RPS9: variants seen among roughly 807,000 people sequenced by gnomAD.
RPS9 encodes ribosomal protein S9, also known as small ribosomal subunit protein uS4.
Under a neutral mutation model 16.9 loss-of-function variants are expected in RPS9, and 1 was observed. The observed-to-expected ratio is 0.06, with a 90% CI of 0.02 to 0.28. RPS9 has a LOEUF of 0.28. Ranked by LOEUF, RPS9 falls within the 10% of genes least tolerant of loss-of-function variation. The pLI is 1.00. For missense variants in RPS9, 137 were observed against 273.2 expected (o/e 0.50, Z 3.51); for synonymous variants, 106 against 110.9 (o/e 0.96, Z 0.28).
chr19:54,202,875 TTAAA>T (rs1211461950), intron 3 of RPS9: 17 of 985,330 alleles, frequency 1.7e-5, no homozygotes, highest in Non-Finnish European at 2.0e-5. Context: ...AGCTTTTTCT[TTAAA>T]TAGGCACAGG....
At chr19:54,204,622 G>A (rs1279994261) in intron 3 of RPS9, among the ~76,000 whole-genome samples, 1 of 152,062 alleles carries the variant, frequency 6.6e-6, no homozygotes. Flanking sequence ...CTGTGTTGCC[G>A]AGGCTAGTTT....
intron 4 of RPS9, chr19:54,207,034 T>C: frequency 2.3e-6 from 1 of 439,052 alleles, no homozygotes; most frequent in Non-Finnish European, 4.1e-6. Flanking sequence ...TGTGTTATTG[T>C]GGGCATTGCT....
intron 3 of RPS9, among the ~76,000 whole-genome samples, chr19:54,203,617 A>G (rs939784374): frequency 2.6e-5 from 4 of 152,152 alleles, no homozygotes; most frequent in Admixed American, 1.3e-4. Context: ...TACGAAAAAT[A>G]CAAAAATTAG....
At chr19:54,201,775 A>G (rs750441760) in intron 3 of RPS9, 166 bp downstream of exon 3, 1 of 1,394,064 alleles carries the variant, frequency 7.2e-7, no homozygotes, top group Non-Finnish European at 9.5e-7. Flanking sequence ...TATCTGGATC[A>G]GTCTTTGCCC....
chr19:54,203,379 C>T (rs1383010728), intron 3 of RPS9: 6 of 890,608 alleles, frequency 6.7e-6, no homozygotes, highest in Non-Finnish European at 8.1e-6. Flanking sequence ...GATTCAGATC[C>T]TGCCTTTCCC....
chr19:54,206,685 C>T (rs2077253471), intron 4 of RPS9: 2 of 1,529,576 alleles, frequency 1.3e-6, no homozygotes, highest in African/African-American at 1.4e-5. Context: ...AGCCGTACAC[C>T]TTGTGAAGGC....
chr19:54,202,315 A>G lies in RPS9; in HGVS notation c.220+706A>G, dbSNP rs529383366. On this transcript the variant is annotated intron_variant, in intron 3 of 4. Transcript: ENST00000302907. Reference sequence around the variant, plus strand: ...ATTCTCCTGTCTTAGCCTCCTAAGTAGCTGGAATCACAGGCATGGGCCACC... The same window carrying G: ...ATTCTCCTGTCTTAGCCTCCTAAGTGGCTGGAATCACAGGCATGGGCCACC... 6.1e-6 allele frequency: 3 copies of G among 490,846 alleles called. No homozygotes were observed. The South Asian group carries it at 2.6e-4, about 43-fold the overall frequency. The allele number at this position is 490,846 out of a possible 1,614,324, so 30.4% of individuals were successfully genotyped here.
At position 54,206,255 on chromosome 19, in the gene RPS9, GTTTCC is replaced by G; in HGVS notation, c.221-19_221-15del. 6.2e-7 allele frequency: 1 copy of G among 1,608,150 alleles called. No individual in the cohort carries two copies. The highest frequency in any genetic ancestry group is 8.5e-7 in the Non-Finnish European group (1 of 1,175,640). ...CCTGAGGTCAGAAGGCGGAATCAGT[GTTTCC>G]TCCCACTCTTCCCAGGCAACGCCCT... On this transcript the variant is annotated splice_polypyrimidine_tract_variant and intron_variant, in intron 3 of 4. Transcript: ENST00000302907.
At chr19:54,201,730 T>C (rs1415176314) in intron 3 of RPS9, 121 bp downstream of exon 3, 32 of 1,491,110 alleles carry the variant, frequency 2.1e-5, no homozygotes, top group Non-Finnish European at 2.7e-5. Flanking sequence ...ACCAGCCTTC[T>C]AACTTTTAGT....
rs1248165436 is a variant in RPS9, at chr19:54,206,780, G to C, written c.407+318G>C. On this transcript the variant is annotated intron_variant, in intron 4 of 4. Coordinates refer to ENST00000302907, the MANE Select transcript of RPS9 (RefSeq NM_001013.4). ...AGAGAACCAGCCTCACCTCGCTTGGGTGGTGGGTTCAGCTGTCTCCTGGCC... is the reference window on the plus strand; with the variant it reads ...AGAGAACCAGCCTCACCTCGCTTGGCTGGTGGGTTCAGCTGTCTCCTGGCC... 4.3e-6 allele frequency: 6 copies of C among 1,408,094 alleles called. No homozygotes were observed. In the African/African-American group the frequency reaches 8.6e-5, roughly 20 times the overall value. 87.2% of individuals were successfully genotyped at this position (1,408,094 alleles called of 1,614,324 possible). A position where few individuals can be genotyped will look rare whatever the true frequency, so the allele number is the denominator to read the frequency against.
chr19:54,204,236 T>C (rs532888538), intron 3 of RPS9, among the ~76,000 whole-genome samples: 4 of 151,898 alleles, frequency 2.6e-5, no homozygotes, highest in African/African-American at 9.7e-5. Context: ...AATACAAAAT[T>C]AGCGGGGCGT....
At chr19:54,203,202 T>C (rs868011250) in intron 3 of RPS9, 33 of 935,862 alleles carry the variant, frequency 3.5e-5, no homozygotes, top group Middle Eastern at 5.5e-4. Flanking sequence ...GAGAAAGCGG[T>C]GCAGGTGTCT....
At chr19:54,202,771 A>G in intron 3 of RPS9, 8 of 985,442 alleles carry the variant, frequency 8.1e-6, no homozygotes, top group Non-Finnish European at 9.6e-6. Context: ...ACTGTTAGGC[A>G]TGAGAGTGGT....
intron 3 of RPS9, among the ~76,000 whole-genome samples, chr19:54,204,164 GAGGT>G (rs2077161348): frequency 6.6e-6 from 1 of 152,082 alleles, no homozygotes; most frequent in Non-Finnish European, 1.5e-5. Context: ...CGGATCACCC[GAGGT>G]CGGGAGTTTG....
chr19:54,202,674 G>A (rs766485932), intron 3 of RPS9: 10 of 985,420 alleles, frequency 1.0e-5, no homozygotes, highest in African/African-American at 1.7e-5. Flanking sequence ...ACCAAGATTG[G>A]CATTTGTATA....
At position 54,207,581 on chromosome 19, in the gene RPS9, C is replaced by T. The variant is rs1388487046; in HGVS notation, c.*6C>T. 8 of 1,599,384 alleles carry T rather than the reference C, an allele frequency of 5.0e-6. No individual in the cohort carries two copies. Among genetic ancestry groups the T allele is most frequent in the African/African-American group, 4.0e-5 (3 of 74,644 alleles). On this transcript the variant is annotated 3_prime_UTR_variant, in exon 5 of 5. Transcript: ENST00000302907. ...ACGACGAGGAGGAGGATTAAGTCCA[C>T]CTGTCCCTCCTGGGCTGCTGGATTG...
intron 3 of RPS9, chr19:54,202,922 T>C (rs2077110135): frequency 1.0e-6 from 1 of 977,232 alleles, no homozygotes; most frequent in Admixed American, 6.2e-5. Context: ...GGTTTCCAAC[T>C]CCTAACCTCA....
chr19:54,200,948 C>A, intron 1 of RPS9, 60 bp downstream of exon 1: 1 of 1,384,826 alleles, frequency 7.2e-7, no homozygotes, highest in Admixed American at 3.2e-5. Flanking sequence ...CCCGGGCCTT[C>A]CGAGTTTCCA....
At chr19:54,202,694 G>A (rs370382060) in intron 3 of RPS9, 142 of 985,308 alleles carry the variant, frequency 1.4e-4, no homozygotes, top group Non-Finnish European at 1.4e-4. Flanking sequence ...ATCCTGAGAC[G>A]CTGCTTTTGC....
Sources: gnomAD v4.1 joint callset for allele counts (sites outside exome capture counted in the v4.1 genomes callset) on GRCh38, gnomAD v4.1.1 for gene constraint, MANE v1.5 for transcripts, NCBI Gene and HGNC (gene_info 2026-07-23, HGNC 2026-07-21) for gene names.